SLC41A2: variants seen among roughly 807,000 people sequenced by gnomAD.
SLC41A2 encodes the protein solute carrier family 41 member 2.
Under a neutral mutation model 58.3 loss-of-function variants are expected in SLC41A2, and 32 were observed. The ratio of observed to expected loss-of-function variants is 0.55; its 90% CI spans 0.41 to 0.74. The LOEUF (loss-of-function observed/expected upper bound fraction) is 0.74, where lower values mean the gene tolerates loss of function less well. Among genes scored for constraint, SLC41A2 ranks in the 30% least tolerant of loss-of-function variants. SLC41A2 has a pLI of 0.00. For synonymous variants in SLC41A2, 190 were observed against 235.0 expected (o/e 0.81, Z 1.75); for missense variants, 514 against 680.6 (o/e 0.76, Z 2.72).
chr12:104,911,863 T>C (rs1308247028), intron 2 of SLC41A2, among the ~76,000 whole-genome samples: 1 of 152,174 alleles, frequency 6.6e-6, no homozygotes, highest in African/African-American at 2.4e-5. Context: ...TCTTAAAAAC[T>C]AACCAGCAAA....
chr12:104,905,789 G>A (rs1402376380), intron 3 of SLC41A2, among the ~76,000 whole-genome samples: 2 of 152,262 alleles, frequency 1.3e-5, no homozygotes, highest in African/African-American at 4.8e-5. Flanking sequence ...GGACAGCAGG[G>A]CTGGCTGGCT....
intron 10 of SLC41A2, among the ~76,000 whole-genome samples, chr12:104,819,183 C>T (rs77537480): frequency 0.024 from 3,636 of 152,210 alleles, 88 homozygotes; most frequent in East Asian, 0.095. Flanking sequence ...AAAGGCCACA[C>T]TCCCTAATTG....
At chr12:104,819,557 A>G (rs1183616546) in intron 10 of SLC41A2, among the ~76,000 whole-genome samples, 1 of 152,238 alleles carries the variant, frequency 6.6e-6, no homozygotes, top group Non-Finnish European at 1.5e-5. Flanking sequence ...TGAAAAGGCA[A>G]ATAAGACTAA....
At chr12:104,915,518 T>G (rs1191619087) in intron 2 of SLC41A2, among the ~76,000 whole-genome samples, 1 of 152,184 alleles carries the variant, frequency 6.6e-6, no homozygotes, top group East Asian at 1.9e-4. Context: ...GGTATTTTAT[T>G]CTCTTTGAAG....
chr12:104,904,936 C>T (rs967543452), intron 3 of SLC41A2, among the ~76,000 whole-genome samples: 15 of 152,108 alleles, frequency 9.9e-5, no homozygotes, highest in Non-Finnish European at 8.8e-5. Flanking sequence ...GGGACCCAAG[C>T]GGGTTACCAA....
At chr12:104,824,225 C>T (rs192843450) in intron 10 of SLC41A2, among the ~76,000 whole-genome samples, 157 of 152,196 alleles carry the variant, frequency 1.0e-3, no homozygotes, top group Non-Finnish European at 2.0e-3. Flanking sequence ...TGGCCTGCCA[C>T]GCCCCCATCT....
In SLC41A2 at chr12:104,928,180, A is replaced by G; in HGVS notation, c.348T>C (p.Asn116=). 5 of 1,614,152 alleles carry G rather than the reference A, an allele frequency of 3.1e-6. No individual in the cohort carries two copies. The highest frequency in any genetic ancestry group is 2.5e-6 in the Non-Finnish European group (3 of 1,180,024). The change falls in exon 2 of 11, where the codon AAT becomes AAC. Residue 116 remains asparagine, a synonymous_variant. Transcript: ENST00000258538. ...SQKYDDYANY[N]YCDGRETSET... ...CTGAAGTCTCCCTTCCATCACAGTA[A>G]TTATAATTGGCATAGTCATCATACT...
chr12:104,892,588 C>T (rs2045064578), intron 4 of SLC41A2, among the ~76,000 whole-genome samples: 1 of 152,054 alleles, frequency 6.6e-6, no homozygotes, highest in Non-Finnish European at 1.5e-5. Flanking sequence ...CTGGAGGAAT[C>T]ACATTACCTG....
chr12:104,832,495 T>C (rs2042073358), intron 10 of SLC41A2, among the ~76,000 whole-genome samples: 1 of 152,206 alleles, frequency 6.6e-6, no homozygotes, highest in Admixed American at 6.5e-5. Flanking sequence ...ATTGGACAAT[T>C]TGAACTGACA....
chr12:104,854,125 T>A (rs2042929137), intron 8 of SLC41A2, among the ~76,000 whole-genome samples: 1 of 151,870 alleles, frequency 6.6e-6, no homozygotes, highest in Non-Finnish European at 1.5e-5. Flanking sequence ...TCACTCATTT[T>A]ATTTATAAAG....
intron 10 of SLC41A2, among the ~76,000 whole-genome samples, chr12:104,837,508 G>A (rs1053537813): frequency 6.6e-6 from 1 of 152,172 alleles, no homozygotes; most frequent in Non-Finnish European, 1.5e-5. Context: ...TGTTGAGTGT[G>A]AGATGTCTCT....
At chr12:104,840,173 C>T (rs977850261) in intron 10 of SLC41A2, among the ~76,000 whole-genome samples, 1 of 152,138 alleles carries the variant, frequency 6.6e-6, no homozygotes, top group African/African-American at 2.4e-5. Flanking sequence ...CCAGCAATGC[C>T]CATCCAAACT....
At chr12:104,840,000 T>C (rs1410715204) in intron 10 of SLC41A2, among the ~76,000 whole-genome samples, 1 of 152,214 alleles carries the variant, frequency 6.6e-6, no homozygotes, top group Non-Finnish European at 1.5e-5. Context: ...GCTCAATAGA[T>C]TGTCAGTATG....
intron 6 of SLC41A2, among the ~76,000 whole-genome samples, chr12:104,883,064 T>C (rs1423617645): frequency 6.6e-6 from 1 of 152,236 alleles, no homozygotes; most frequent in Non-Finnish European, 1.5e-5. Context: ...TTCATTTCAT[T>C]CATTTGATCT....
At chr12:104,923,414 C>T (rs2046694504) in intron 2 of SLC41A2, among the ~76,000 whole-genome samples, 1 of 149,074 alleles carries the variant, frequency 6.7e-6, no homozygotes, top group Admixed American at 6.7e-5. Context: ...AACTATGCAC[C>T]CCAAGGAACT....
chr12:104,874,082 T>TG (rs944085973), intron 6 of SLC41A2, among the ~76,000 whole-genome samples: 3 of 149,884 alleles, frequency 2.0e-5, no homozygotes, highest in African/African-American at 7.3e-5. Context: ...TGTTTTTTTT[T>TG]TTTTTTTTTG....
intron 10 of SLC41A2, among the ~76,000 whole-genome samples, chr12:104,806,214 C>T (rs1376133373): frequency 6.6e-6 from 1 of 151,706 alleles, no homozygotes; most frequent in East Asian, 1.9e-4. Flanking sequence ...TCCCTCCCCA[C>T]TCCCCCCACC....
At chr12:104,849,063 A>C (rs2042709277) in intron 8 of SLC41A2, among the ~76,000 whole-genome samples, 1 of 152,208 alleles carries the variant, frequency 6.6e-6, no homozygotes, top group African/African-American at 2.4e-5. Flanking sequence ...ACAAAAATAA[A>C]TTCCACATGA....
chr12:104,957,642 A>C (rs2048217283), intron 1 of SLC41A2, among the ~76,000 whole-genome samples: 1 of 152,254 alleles, frequency 6.6e-6, no homozygotes, highest in South Asian at 2.1e-4. Context: ...TGGGCTTTTA[A>C]ATTTGAGATA....
Sources: gnomAD v4.1 joint callset for allele counts (sites outside exome capture counted in the v4.1 genomes callset) on GRCh38, gnomAD v4.1.1 for gene constraint, MANE v1.5 for transcripts, NCBI Gene and HGNC (gene_info 2026-07-23, HGNC 2026-07-21) for gene names.